Variants in ANO4 observed in about 807,000 individuals in gnomAD.
ANO4 encodes the protein anoctamin 4.
ANO4 carries 69 observed loss-of-function variants against 141.9 expected under a neutral mutation model. The ratio of observed to expected loss-of-function variants is 0.49; its 90% CI spans 0.40 to 0.59. The LOEUF (loss-of-function observed/expected upper bound fraction) is 0.59. ANO4 is among the 20% of genes least tolerant of loss of function. The pLI is 0.00. For synonymous variants in ANO4, 350 were observed against 394.3 expected, an observed-to-expected ratio of 0.89 and a Z score of 1.33; for missense variants, 894 against 1,162.2, an observed-to-expected ratio of 0.77 and a Z score of 3.36.
Position 101,048,349 on chromosome 12 carries a change from C to T in ANO4, c.1260C>T (p.His420=), listed in dbSNP as rs140890653. The T allele has an allele frequency of 1.2e-6, 2 of 1,613,704 alleles. No homozygotes were observed. The highest frequency in any genetic ancestry group is 1.3e-5 in the African/African-American group (1 of 75,010). ...SDSCVYAKVT[H]LFDNGATVFF... ...ATTCTTATTATTCACAGGTAACCCA[C>T]CTTTTTGACAATGGAGCCACTGTCT... Residue 420 remains histidine (H), a synonymous_variant, in exon 14 of 28, where the codon CAC becomes CAT. Coordinates refer to ENST00000392977, the MANE Select transcript of ANO4 (RefSeq NM_001286615.2).
rs543553703 is a variant in ANO4 at position 100,993,990 on chromosome 12, C to T, written c.734+6320C>T. On this transcript the variant is annotated intron_variant, in intron 8 of 27. Transcript: ENST00000392977. ...CACTAATGGCACTGGGGCTGAATAA[C>T]TCCTTGTTGTAGGGAAGAGTCCTGT... Among the ~76,000 whole-genome samples the T allele has an allele frequency of 2.0e-5, 3 of 152,312 alleles. No individual in the cohort carries two copies. The South Asian group carries it at 6.2e-4, about 32-fold the overall frequency.
chr12:101,108,174 T>C (rs747700010), intron 22 of ANO4, among the ~76,000 whole-genome samples: 8 of 151,660 alleles, frequency 5.3e-5, no homozygotes, highest in Non-Finnish European at 1.2e-4. Context: ...AATAATGAAG[T>C]CATAGGAGTA....
At chr12:100,882,094 T>C (rs1324412588) in intron 1 of ANO4, among the ~76,000 whole-genome samples, 1 of 152,192 alleles carries the variant, frequency 6.6e-6, no homozygotes, top group Non-Finnish European at 1.5e-5. Flanking sequence ...ATTAAAAATA[T>C]CTAATGTTTA....
chr12:100,732,899 G>A (rs2031440181), intron 1 of ANO4, among the ~76,000 whole-genome samples: 4 of 152,056 alleles, frequency 2.6e-5, no homozygotes, highest in Admixed American at 2.0e-4. Context: ...GATTTCTTTT[G>A]CCCCCCTCTG....
chr12:100,740,622 T>C (rs2031821772), intron 3 of ANO4, among the ~76,000 whole-genome samples: 1 of 152,222 alleles, frequency 6.6e-6, no homozygotes. Flanking sequence ...AATACCGTAG[T>C]TAATATCAAT....
At chr12:101,127,794 A>G (rs1443091361) in intron 27 of ANO4, 67 bp from the exon 28 acceptor site, 1 of 152,650 alleles carries the variant, frequency 6.6e-6, no homozygotes, top group Non-Finnish European at 1.5e-5. Flanking sequence ...AGTACAAACT[A>G]TTGCACCTCA....
intron 9 of ANO4, among the ~76,000 whole-genome samples, chr12:101,023,159 G>A (rs1049535816): frequency 2.0e-5 from 3 of 152,144 alleles, no homozygotes; most frequent in Non-Finnish European, 2.9e-5. Context: ...CAATAAAGGC[G>A]TGCTGAACTG....
intron 5 of ANO4, among the ~76,000 whole-genome samples, chr12:100,943,758 C>G (rs892035387): frequency 6.6e-6 from 1 of 152,166 alleles, no homozygotes; most frequent in Non-Finnish European, 1.5e-5. Flanking sequence ...TCCAGAAAAT[C>G]TTTCCTATAC....
At chr12:101,024,165 A>G (rs951005675) in intron 9 of ANO4, among the ~76,000 whole-genome samples, 1 of 152,258 alleles carries the variant, frequency 6.6e-6, no homozygotes, top group African/African-American at 2.4e-5. Context: ...ATGTGGGTGC[A>G]TACAATAAAT....
chr12:101,032,432 C>T (rs898101642), intron 9 of ANO4, among the ~76,000 whole-genome samples: 59 of 151,630 alleles, frequency 3.9e-4, no homozygotes, highest in Non-Finnish European at 3.2e-4. Context: ...AAAATTAACT[C>T]AAAGCAATGG....
intron 1 of ANO4, among the ~76,000 whole-genome samples, chr12:100,726,985 G>A (rs1041564449): frequency 4.1e-5 from 5 of 120,738 alleles, no homozygotes; most frequent in Non-Finnish European, 5.2e-5. Flanking sequence ...TCCCTAAAAA[G>A]GACTTCTACT....
rs1056553146 is a variant in ANO4 at position 100,922,122 on chromosome 12, G to C, written c.56-104G>C. 4.3e-6 allele frequency: 3 copies of C among 693,594 alleles called. No individual in the cohort carries two copies. The African/African-American group carries it at 5.6e-5, about 13-fold the overall frequency. The allele number at this position is 693,594 out of a possible 1,614,324, so 43.0% of individuals were successfully genotyped here. A position where few individuals can be genotyped will look rare whatever the true frequency, so the allele number is the denominator to read the frequency against. ...AAGAAGGAGGATCATTGGCAAACCA[G>C]CTAGCCATTCACTTTGGATTTTGAC... On this transcript the variant is annotated intron_variant, in intron 2 of 27. Transcript: ENST00000392977.
At chr12:101,066,998 A>C (rs2048618351) in intron 14 of ANO4, 5 of 98,294 alleles carry the variant, frequency 5.1e-5, no homozygotes, top group South Asian at 1.6e-4. Flanking sequence ...AAAGTATAAC[A>C]AAAAAAAAAA....
At chr12:100,898,756 C>T (rs748012042) in intron 1 of ANO4, among the ~76,000 whole-genome samples, 4 of 152,132 alleles carry the variant, frequency 2.6e-5, no homozygotes, top group Non-Finnish European at 4.4e-5. Context: ...TTCCCCTCAG[C>T]CCAATAAGCC....
At chr12:101,006,400 T>C (rs1158954885) in intron 8 of ANO4, among the ~76,000 whole-genome samples, 1 of 152,240 alleles carries the variant, frequency 6.6e-6, no homozygotes, top group Non-Finnish European at 1.5e-5. Flanking sequence ...AAAATTTGAC[T>C]ATTGCTTCTT....
intron 14 of ANO4, chr12:101,068,673 C>CTA (rs2136783471): frequency 7.6e-7 from 1 of 1,311,934 alleles, no homozygotes; most frequent in African/African-American, 1.4e-5. Flanking sequence ...TCCTTATTAA[C>CTA]TATTAGAGTA....
At chr12:100,907,402 A>G (rs1285072678) in intron 2 of ANO4, among the ~76,000 whole-genome samples, 2 of 152,140 alleles carry the variant, frequency 1.3e-5, no homozygotes, top group East Asian at 3.9e-4. Context: ...TTCCTCCAAG[A>G]AGCTTTCTAG....
rs1265399207 is a variant in ANO4, at chr12:101,083,704, C to G, written c.1422C>G (p.Ala474=). The change falls in exon 16 of 28, where the codon GCC becomes GCG. Residue 474 remains alanine (A), a synonymous_variant. Transcript: ENST00000392977. ...AAGAAATACGACCCCAGTTTGAAGC[C>G]AAGTATTCCAAGAAAGAGCGGATGA... ...EEEEIRPQFE[A]KYSKKERMNP... is the part of the protein sequence containing the mutation. 1.2e-6 allele frequency: 2 copies of G among 1,607,952 alleles called. No homozygotes were observed. Among genetic ancestry groups the G allele is most frequent in the Non-Finnish European group, 1.7e-6 (2 of 1,178,582 alleles).
intron 3 of ANO4, among the ~76,000 whole-genome samples, chr12:100,926,008 A>G (rs943670692): frequency 2.6e-5 from 4 of 151,968 alleles, no homozygotes; most frequent in Non-Finnish European, 5.9e-5. Flanking sequence ...AACCCTAAGT[A>G]ATAATAGATA....
Sources: allele counts gnomAD v4.1 joint callset (sites outside exome capture counted in the v4.1 genomes callset), GRCh38; gene constraint gnomAD v4.1.1; transcripts MANE v1.5; gene names NCBI Gene and HGNC (gene_info 2026-07-23, HGNC 2026-07-21).